MMD: variants seen among roughly 807,000 people sequenced by gnomAD.
MMD encodes monocyte to macrophage differentiation associated, also known as monocyte to macrophage differentiation factor.
A neutral mutation model predicts 33.6 loss-of-function variants in MMD; 22 were observed. That is an observed-to-expected ratio of 0.66 (90% CI 0.47 to 0.94). MMD has a LOEUF of 0.94. Ranked by LOEUF, MMD falls within the 40% of genes least tolerant of loss-of-function variation. MMD has a pLI of 0.00. For synonymous variants in MMD, 97 were observed against 103.2 expected, an observed-to-expected ratio of 0.94 and a Z score of 0.36; for missense variants, 242 against 309.8, an observed-to-expected ratio of 0.78 and a Z score of 1.64.
intron 5 of MMD, among the ~76,000 whole-genome samples, chr17:55,402,596 T>C (rs914011352): frequency 5.3e-5 from 8 of 152,220 alleles, no homozygotes; most frequent in African/African-American, 1.7e-4. Flanking sequence ...ACCTCATTCA[T>C]CGTGTTTTAT....
chr17:55,421,492 G>A (rs537780539), intron 1 of MMD, among the ~76,000 whole-genome samples, 178 bp downstream of exon 1: 10 of 152,360 alleles, frequency 6.6e-5, no homozygotes, highest in East Asian at 1.9e-4. Context: ...ATCCTTGGAG[G>A]AAGGGGATCG....
At chr17:55,407,689 G>T in intron 4 of MMD, 57 bp downstream of exon 4, 1 of 1,482,960 alleles carries the variant, frequency 6.7e-7, no homozygotes, top group South Asian at 1.2e-5. Context: ...GAAAGGAGGA[G>T]TGAGGAATTC....
At chr17:55,410,294 G>T (rs764214837) in intron 3 of MMD, among the ~76,000 whole-genome samples, 16 of 152,168 alleles carry the variant, frequency 1.1e-4, no homozygotes, top group Non-Finnish European at 1.9e-4. Context: ...GCTTGTAAAA[G>T]GAGCATATAT....
chr17:55,421,388 C>G (rs565449131), intron 1 of MMD, among the ~76,000 whole-genome samples: 2 of 152,248 alleles, frequency 1.3e-5, no homozygotes, highest in Admixed American at 6.5e-5. Flanking sequence ...CAAAGGGATC[C>G]CCGGGAAGGA....
intron 5 of MMD, among the ~76,000 whole-genome samples, chr17:55,402,726 C>T (rs540109162): frequency 4.6e-5 from 7 of 152,224 alleles, no homozygotes; most frequent in African/African-American, 1.7e-4. Context: ...CTATTTTATC[C>T]AAGGATATAA....
intron 5 of MMD, 107 bp downstream of exon 5, chr17:55,403,658 ATG>A (rs1907432417): frequency 3.0e-6 from 2 of 674,942 alleles, no homozygotes; most frequent in Non-Finnish European, 4.9e-6. Flanking sequence ...TATTCTATAT[ATG>A]TATTTCTACT....
At chr17:55,415,519 C>T (rs974449956) in intron 1 of MMD, among the ~76,000 whole-genome samples, 6 of 152,132 alleles carry the variant, frequency 3.9e-5, no homozygotes, top group Non-Finnish European at 7.4e-5. Context: ...AATGGTAGAA[C>T]CAAGTTGCCA....
At chr17:55,420,393 G>A (rs934434184) in intron 1 of MMD, 1 of 152,118 alleles carries the variant, frequency 6.6e-6, no homozygotes, top group African/African-American at 2.4e-5. Flanking sequence ...TCCACTGGGG[G>A]AACAGTGCCA....
rs2143110413 is a variant in MMD, at chr17:55,394,177, C to T, written c.*157G>A. 1 of 555,446 alleles carries T rather than the reference C, an allele frequency of 1.8e-6. No individual in the cohort carries two copies. The highest frequency in any genetic ancestry group is 7.1e-5 in the South Asian group (1 of 14,080). 34.4% of individuals were successfully genotyped at this position (555,446 alleles called of 1,614,324 possible). A position where few individuals can be genotyped will look rare whatever the true frequency, so the allele number is the denominator to read the frequency against. On this transcript the variant is annotated 3_prime_UTR_variant, in exon 7 of 7. Coordinates refer to ENST00000262065, the MANE Select transcript of MMD (RefSeq NM_012329.3). ...TTATTTGCTGTGAGGCAGAAAATTC[C>T]AGAACACAGCCTTTATACTTTCACA...
At chr17:55,398,955 C>T (rs959991585) in intron 6 of MMD, among the ~76,000 whole-genome samples, 35 of 152,296 alleles carry the variant, frequency 2.3e-4, no homozygotes, top group Admixed American at 2.2e-3. Context: ...GTACAACATT[C>T]AGCTTGATAT....
chr17:55,400,970 GC>G (rs1382973481), intron 6 of MMD, among the ~76,000 whole-genome samples: 9 of 152,032 alleles, frequency 5.9e-5, no homozygotes, highest in Admixed American at 2.0e-4. Context: ...CAAAAAAAGT[GC>G]TTGACTTACG....
intron 1 of MMD, 73 bp downstream of exon 1, chr17:55,421,597 C>A: frequency 5.7e-6 from 9 of 1,580,782 alleles, no homozygotes; most frequent in African/African-American, 1.4e-5. Flanking sequence ...AGCCGGGAGC[C>A]GTGCGCTTAA....
chr17:55,409,734 C>T (rs963358171), intron 3 of MMD, among the ~76,000 whole-genome samples: 2 of 152,224 alleles, frequency 1.3e-5, no homozygotes, highest in African/African-American at 4.8e-5. Flanking sequence ...TTCTATTACA[C>T]CTCTGGCAGG....
chr17:55,401,579 C>G, intron 5 of MMD, 41 bp from the exon 6 acceptor site: 1 of 1,472,508 alleles, frequency 6.8e-7, no homozygotes, highest in Non-Finnish European at 9.4e-7. Context: ...TTATAAATTT[C>G]TATAACACCT....
At chr17:55,408,212 C>T (rs1907632128) in intron 3 of MMD, among the ~76,000 whole-genome samples, 1 of 152,194 alleles carries the variant, frequency 6.6e-6, no homozygotes. Flanking sequence ...CCTGCCCCAG[C>T]TCCTATCAGT....
intron 3 of MMD, 130 bp downstream of exon 3, chr17:55,411,127 A>G (rs1177175917): frequency 3.9e-6 from 4 of 1,026,790 alleles, no homozygotes; most frequent in Admixed American, 2.7e-5. Context: ...ATGGGATAGT[A>G]TTCTAGTCTA....
chr17:55,406,105 CA>C (rs1298201278), intron 4 of MMD, among the ~76,000 whole-genome samples: 1 of 138,940 alleles, frequency 7.2e-6, no homozygotes, highest in Non-Finnish European at 1.5e-5. Flanking sequence ...GCTTAAGTTT[CA>C]AAAACAGGCT....
intron 4 of MMD, among the ~76,000 whole-genome samples, chr17:55,406,705 T>G (rs1907561578): frequency 6.6e-6 from 1 of 151,564 alleles, no homozygotes; most frequent in African/African-American, 2.4e-5. Context: ...GACAACATGG[T>G]GAAACCCTAT....
rs751428174 is a variant in MMD, at chr17:55,401,531, C to T, written c.454G>A (p.Val152Met). 5.6e-6 allele frequency: 9 copies of T among 1,609,852 alleles called. No homozygotes were observed. The highest frequency in any genetic ancestry group is 7.6e-6 in the Non-Finnish European group (9 of 1,178,330). The change falls in exon 6 of 7, where the codon GTG becomes ATG. Residue 152 changes from valine to methionine, a missense_variant. Val to Met is a conservative substitution (Grantham distance 21). Coordinates refer to ENST00000262065, the MANE Select transcript of MMD (RefSeq NM_012329.3). ...YVFLYHEKYK[V>M]VELFFYLTMG... Reference sequence around the variant, plus strand: ...GTGAGATAGAAAAAGAGTTCAACCACCTTATATCTGCAGGAACAAAAATGC... The same window carrying T: ...GTGAGATAGAAAAAGAGTTCAACCATCTTATATCTGCAGGAACAAAAATGC...
Sources: allele counts gnomAD v4.1 joint callset (sites outside exome capture counted in the v4.1 genomes callset), GRCh38; gene constraint gnomAD v4.1.1; transcripts MANE v1.5; gene names NCBI Gene and HGNC (gene_info 2026-07-23, HGNC 2026-07-21).